RBMS3: variants seen among roughly 807,000 people sequenced by gnomAD.
RBMS3 encodes RNA binding motif single stranded interacting protein 3, also known as RNA-binding motif, single-stranded-interacting protein 3.
In RBMS3, 27 loss-of-function variants were observed where a neutral mutation model predicts 66.8. That is an observed-to-expected ratio of 0.40 (90% CI 0.30 to 0.56). The LOEUF is 0.56. Among genes scored for constraint, RBMS3 ranks in the 20% least tolerant of loss-of-function variants. The pLI, the probability that RBMS3 is intolerant of heterozygous loss-of-function variation, is 0.40. For missense variants in RBMS3, 513 were observed against 549.5 expected (o/e 0.93, Z 0.66); for synonymous variants, 188 against 183.0 (o/e 1.03, Z -0.22).
chr3:29,752,082 G>A (rs372408543), intron 5 of RBMS3, among the ~76,000 whole-genome samples: 54 of 152,284 alleles, frequency 3.5e-4, no homozygotes, highest in African/African-American at 1.2e-3. Context: ...GAGGTCACAC[G>A]AACAATTTGG....
intron 7 of RBMS3, among the ~76,000 whole-genome samples, chr3:29,882,687 C>T (rs1390904545): frequency 6.6e-6 from 1 of 151,990 alleles, no homozygotes; most frequent in Non-Finnish European, 1.5e-5. Context: ...ACATCAGGCC[C>T]TCTGTTAGAA....
chr3:29,954,820 T>C (rs1026132247), intron 12 of RBMS3, among the ~76,000 whole-genome samples: 2 of 152,054 alleles, frequency 1.3e-5, no homozygotes, highest in Non-Finnish European at 2.9e-5. Context: ...ACCTAGCACT[T>C]CTCTTTCCTA....
intron 6 of RBMS3, among the ~76,000 whole-genome samples, chr3:29,794,177 G>A (rs1372458500): frequency 1.3e-5 from 2 of 152,138 alleles, no homozygotes; most frequent in African/African-American, 4.8e-5. Context: ...TTTCTTTACA[G>A]TAATGCATAA....
At chr3:29,636,986 G>C (rs1022098693) in intron 4 of RBMS3, among the ~76,000 whole-genome samples, 2 of 151,830 alleles carry the variant, frequency 1.3e-5, no homozygotes, top group Non-Finnish European at 2.9e-5. Context: ...AAATGTAACT[G>C]TTTCTAATTT....
intron 3 of RBMS3, among the ~76,000 whole-genome samples, chr3:29,582,639 A>G (rs1275133372): frequency 6.6e-6 from 1 of 152,226 alleles, no homozygotes; most frequent in African/African-American, 2.4e-5. Flanking sequence ...CTGAAGCTGA[A>G]CTAATCTCCC....
intron 2 of RBMS3, among the ~76,000 whole-genome samples, chr3:29,480,408 C>T (rs1223892028): frequency 3.3e-5 from 5 of 151,764 alleles, no homozygotes; most frequent in Non-Finnish European, 7.3e-5. Context: ...TCTACACACA[C>T]TTTCTGGAAC....
chr3:29,775,505 C>A (rs1336582376), intron 6 of RBMS3, among the ~76,000 whole-genome samples: 1 of 151,924 alleles, frequency 6.6e-6, no homozygotes, highest in Non-Finnish European at 1.5e-5. Context: ...GAGTAGCATG[C>A]GAATGAGTCT....
At chr3:29,470,033 A>G (rs969735843) in intron 2 of RBMS3, among the ~76,000 whole-genome samples, 1 of 147,142 alleles carries the variant, frequency 6.8e-6, no homozygotes, top group Non-Finnish European at 1.5e-5. Flanking sequence ...ATTAAAATAT[A>G]TAAAAGAATA....
intron 6 of RBMS3, among the ~76,000 whole-genome samples, chr3:29,860,354 G>T (rs2059182569): frequency 6.6e-6 from 1 of 152,104 alleles, no homozygotes; most frequent in African/African-American, 2.4e-5. Flanking sequence ...ACAAACATTT[G>T]ATTAAAACTT....
At chr3:29,420,874 G>A (rs567182892) in intron 1 of RBMS3, among the ~76,000 whole-genome samples, 142 of 151,938 alleles carry the variant, frequency 9.3e-4, no homozygotes, top group African/African-American at 3.3e-3. Flanking sequence ...GGAGGCCGAG[G>A]CGGGTGGATC....
intron 4 of RBMS3, among the ~76,000 whole-genome samples, chr3:29,649,468 C>T (rs2050064926): frequency 6.6e-6 from 1 of 152,106 alleles, no homozygotes. Flanking sequence ...GGCAAGCTAA[C>T]TAAGTGAAGT....
At chr3:29,286,913 A>T (rs1383446817) in intron 1 of RBMS3, among the ~76,000 whole-genome samples, 1 of 152,104 alleles carries the variant, frequency 6.6e-6, no homozygotes, top group Non-Finnish European at 1.5e-5. Flanking sequence ...TTTATTCAAA[A>T]TTGGCTTCAA....
At chr3:29,897,868 T>C (rs2060162360) in intron 9 of RBMS3, among the ~76,000 whole-genome samples, 1 of 151,668 alleles carries the variant, frequency 6.6e-6, no homozygotes, top group Admixed American at 6.6e-5. Context: ...ATTTTATCAC[T>C]GTCATCTCAT....
intron 2 of RBMS3, among the ~76,000 whole-genome samples, chr3:29,460,189 G>A (rs1405843042): frequency 1.3e-5 from 2 of 152,168 alleles, no homozygotes; most frequent in Admixed American, 6.6e-5. Flanking sequence ...GTAGAAATAT[G>A]TTCACCATCC....
intron 4 of RBMS3, among the ~76,000 whole-genome samples, chr3:29,679,822 T>A (rs933798437): frequency 6.6e-6 from 1 of 151,464 alleles, no homozygotes; most frequent in Non-Finnish European, 1.5e-5. Flanking sequence ...CTAAAACATA[T>A]TGACTCACCC....
intron 1 of RBMS3, among the ~76,000 whole-genome samples, chr3:29,368,933 T>C (rs1214612210): frequency 6.6e-6 from 1 of 152,162 alleles, no homozygotes; most frequent in Non-Finnish European, 1.5e-5. Context: ...AGTGGTAGAC[T>C]GGATAAAGAA....
At chr3:29,956,476 C>A (rs994759539) in intron 12 of RBMS3, among the ~76,000 whole-genome samples, 1 of 152,022 alleles carries the variant, frequency 6.6e-6, no homozygotes, top group African/African-American at 2.4e-5. Context: ...TTCCTTTTAT[C>A]CCTTGTGGTA....
intron 3 of RBMS3, among the ~76,000 whole-genome samples, chr3:29,545,336 G>A (rs778057868): frequency 1.3e-5 from 2 of 151,946 alleles, no homozygotes; most frequent in Non-Finnish European, 2.9e-5. Context: ...ACTCTATGAT[G>A]TTTTTGTGTA....
At chr3:29,980,026 G>A (rs1309638829) in intron 12 of RBMS3, among the ~76,000 whole-genome samples, 1 of 152,154 alleles carries the variant, frequency 6.6e-6, no homozygotes, top group Non-Finnish European at 1.5e-5. Context: ...CTTCCGCAAT[G>A]GTAGAACTAA....
Sources: allele counts gnomAD v4.1 joint callset (sites outside exome capture counted in the v4.1 genomes callset), GRCh38; gene constraint gnomAD v4.1.1; transcripts MANE v1.5; gene names NCBI Gene and HGNC (gene_info 2026-07-23, HGNC 2026-07-21).